The following FIG4 variants were observed in gnomAD, a reference collection of about 807,000 sequenced individuals.
FIG4 encodes FIG4 phosphoinositide 5-phosphatase.
In FIG4, 112 loss-of-function variants were observed where a neutral mutation model predicts 118.6. That is an observed-to-expected ratio of 0.94 (90% CI 0.81 to 1.11). The LOEUF is 1.11. Ranked by LOEUF, FIG4 falls within the 50% of genes least tolerant of loss-of-function variation. The probability of loss-of-function intolerance (pLI) is 0.00; values close to 1 mark genes in which losing one functional copy is unlikely to be tolerated. For synonymous variants in FIG4, 369 were observed against 381.2 expected, an observed-to-expected ratio of 0.97 and a Z score of 0.37; for missense variants, 969 against 1,111.7, an observed-to-expected ratio of 0.87 and a Z score of 1.83.
chr6:109,794,230 A>G (rs976476413), intron 21 of FIG4, among the ~76,000 whole-genome samples: 4 of 152,256 alleles, frequency 2.6e-5, no homozygotes, highest in African/African-American at 9.6e-5. Flanking sequence ...TAGATTAAAA[A>G]GATATTATCC....
At chr6:109,794,613 T>G (rs1336953160) in intron 21 of FIG4, among the ~76,000 whole-genome samples, 1 of 152,222 alleles carries the variant, frequency 6.6e-6, no homozygotes, top group Non-Finnish European at 1.5e-5. Context: ...GCACCCACTT[T>G]TGGCTCAGCT....
chr6:109,797,570 G>A (rs1778321246), intron 22 of FIG4, among the ~76,000 whole-genome samples: 1 of 152,068 alleles, frequency 6.6e-6, no homozygotes, highest in Non-Finnish European at 1.5e-5. Context: ...GCTCCCTGAT[G>A]CCGTATGCTC....
At chr6:109,790,342 A>G (rs1778103718) in intron 19 of FIG4, among the ~76,000 whole-genome samples, 1 of 152,176 alleles carries the variant, frequency 6.6e-6, no homozygotes, top group African/African-American at 2.4e-5. Context: ...ACATATATTG[A>G]TATTTTCCAG....
intron 4 of FIG4, among the ~76,000 whole-genome samples, chr6:109,728,175 C>G (rs1240507485): frequency 6.6e-6 from 1 of 152,106 alleles, no homozygotes; most frequent in Non-Finnish European, 1.5e-5. Flanking sequence ...GTCATGATGT[C>G]TGCTACTTAC....
chr6:109,723,640 G>A (rs139764161), intron 3 of FIG4, among the ~76,000 whole-genome samples: 31 of 152,296 alleles, frequency 2.0e-4, no homozygotes, highest in Admixed American at 2.0e-3. Context: ...AATGCTGCAT[G>A]ATTCTATTTT....
rs200861162 is a variant in FIG4 at position 109,805,728 on chromosome 6, TA to T, written c.2546+8879del. Among the ~76,000 whole-genome samples, 103 of 152,336 alleles carry T rather than the reference TA, an allele frequency of 6.8e-4. 1 individual carries two copies. In the East Asian group the frequency reaches 0.019, roughly 28 times the overall value. ...TTTACTCTTCATGTTAAAAATGTAT[TA>T]ATGTCAAAATAAAATCAATTCATGC... On this transcript the variant is annotated intron_variant, in intron 22 of 22. Transcript: ENST00000230124.
At chr6:109,741,209 C>T (rs1335486314) in intron 7 of FIG4, among the ~76,000 whole-genome samples, 1 of 152,148 alleles carries the variant, frequency 6.6e-6, no homozygotes, top group African/African-American at 2.4e-5. Context: ...TTACCATTTT[C>T]TCTGAAATTT....
intron 3 of FIG4, among the ~76,000 whole-genome samples, chr6:109,719,932 T>C (rs1775555970): frequency 1.3e-5 from 2 of 152,254 alleles, no homozygotes; most frequent in Non-Finnish European, 2.9e-5. Flanking sequence ...ACCAAGTTTG[T>C]AACCAGACGT....
chr6:109,711,952 T>G (rs1375455502), intron 1 of FIG4, among the ~76,000 whole-genome samples: 1 of 152,234 alleles, frequency 6.6e-6, no homozygotes, highest in Non-Finnish European at 1.5e-5. Context: ...AAGGCAGTTC[T>G]GGTGGTAACA....
At chr6:109,693,571 C>G (rs760121697) in intron 1 of FIG4, among the ~76,000 whole-genome samples, 4 of 152,118 alleles carry the variant, frequency 2.6e-5, no homozygotes, top group Non-Finnish European at 5.9e-5. Flanking sequence ...CTAGGGGAGC[C>G]ATTGCATGGT....
intron 22 of FIG4, among the ~76,000 whole-genome samples, chr6:109,808,904 A>G (rs1583764605): frequency 6.6e-6 from 1 of 152,202 alleles, no homozygotes; most frequent in Admixed American, 6.5e-5. Context: ...ATAATCAGAT[A>G]TGTTACCATT....
At chr6:109,769,435 G>A (rs760678148) in intron 15 of FIG4, among the ~76,000 whole-genome samples, 1 of 152,032 alleles carries the variant, frequency 6.6e-6, no homozygotes, top group Non-Finnish European at 1.5e-5. Flanking sequence ...GCTAAAACAG[G>A]CTTCTTTATT....
chr6:109,793,176 A>C (rs553545475), intron 21 of FIG4, among the ~76,000 whole-genome samples: 40 of 152,344 alleles, frequency 2.6e-4, no homozygotes, highest in African/African-American at 9.1e-4. Context: ...AGGTATCTGC[A>C]CTGCTCATAT....
chr6:109,738,235 AT>A, intron 6 of FIG4, 89 bp from the exon 7 acceptor site: 1 of 1,114,112 alleles, frequency 9.0e-7, no homozygotes, highest in South Asian at 1.3e-5. Flanking sequence ...ATGTCAGCCA[AT>A]TTCCATATCT....
intron 19 of FIG4, 78 bp downstream of exon 19, chr6:109,789,755 C>A: frequency 1.0e-6 from 1 of 972,624 alleles, no homozygotes; most frequent in Non-Finnish European, 1.7e-6. Flanking sequence ...CCACCAAAAA[C>A]TAATAACTTC....
At chr6:109,769,107 C>CTTT (rs11419632) in intron 15 of FIG4, among the ~76,000 whole-genome samples, 4 of 141,894 alleles carry the variant, frequency 2.8e-5, no homozygotes, top group African/African-American at 5.2e-5. Context: ...AAGTAATGTG[C>CTTT]TTTTTTTTTT....
At chr6:109,769,858 G>T (rs1777405951) in intron 15 of FIG4, among the ~76,000 whole-genome samples, 1 of 152,184 alleles carries the variant, frequency 6.6e-6, no homozygotes, top group Non-Finnish European at 1.5e-5. Context: ...GTTCGAGGCT[G>T]CAGTGAACTA....
At chr6:109,711,424 G>C (rs1412411322) in intron 1 of FIG4, among the ~76,000 whole-genome samples, 2 of 151,854 alleles carry the variant, frequency 1.3e-5, no homozygotes, top group African/African-American at 4.8e-5. Context: ...CAAAAAACTT[G>C]CTTTATTAAT....
intron 22 of FIG4, among the ~76,000 whole-genome samples, chr6:109,819,470 G>GTT (rs955566277): frequency 1.3e-5 from 2 of 152,062 alleles, no homozygotes; most frequent in African/African-American, 4.8e-5. Context: ...CTGTAATTTT[G>GTT]TTTTTGTTTT....
Sources: gnomAD v4.1 joint callset for allele counts (sites outside exome capture counted in the v4.1 genomes callset) on GRCh38, gnomAD v4.1.1 for gene constraint, MANE v1.5 for transcripts, NCBI Gene and HGNC (gene_info 2026-07-23, HGNC 2026-07-21) for gene names.